Variants in ADAMTS17 observed in about 807,000 individuals in gnomAD.
ADAMTS17 encodes A disintegrin and metalloproteinase with thrombospondin motifs 17.
Under a neutral mutation model 141.5 loss-of-function variants are expected in ADAMTS17, and 113 were observed. The observed-to-expected ratio is 0.80, with a 90% confidence interval of 0.69 to 0.93. The LOEUF (loss-of-function observed/expected upper bound fraction) is 0.93, where lower values mean the gene tolerates loss of function less well. Ranked by LOEUF, ADAMTS17 falls within the 40% of genes least tolerant of loss-of-function variation. The pLI, the probability that ADAMTS17 is intolerant of heterozygous loss-of-function variation, is 0.00. For synonymous variants in ADAMTS17, 768 were observed against 630.6 expected, an observed-to-expected ratio of 1.22 and a Z score of -3.27; for missense variants, 1,659 against 1,517.9, an observed-to-expected ratio of 1.09 and a Z score of -1.54.
rs560298567 is a variant in ADAMTS17 at position 100,093,245 on chromosome 15, G to A, written c.2137+3111C>T. On this transcript the variant is annotated intron_variant, in intron 15 of 21. Coordinates refer to ENST00000268070, the MANE Select transcript of ADAMTS17 (RefSeq NM_139057.4). ...TTGGCTCTGCTGGGCTGGACACTTC[G>A]CCACGTGTGGGTCTGCCCTGGATTC... Among the ~76,000 whole-genome samples, 364 of 152,172 alleles carry A rather than the reference G, an allele frequency of 2.4e-3. 2 individuals are homozygous for A. Among genetic ancestry groups the A allele is most frequent in the Non-Finnish European group, 4.2e-3 (286 of 67,996 alleles).
At chr15:100,044,067 C>T (rs552431770) in intron 18 of ADAMTS17, among the ~76,000 whole-genome samples, 4 of 152,298 alleles carry the variant, frequency 2.6e-5, no homozygotes, top group East Asian at 3.9e-4. Context: ...TTAGAAGATA[C>T]ATGGGAGGCA....
chr15:100,160,591 C>T lies in ADAMTS17; in HGVS notation c.1182-5271G>A, dbSNP rs111232949. Among the ~76,000 whole-genome samples, 899 of 152,306 alleles carry T rather than the reference C, an allele frequency of 5.9e-3. 12 individuals carry two copies. The highest frequency in any genetic ancestry group is 0.02 in the African/African-American group (846 of 41,550). Reference sequence around the variant, plus strand: ...GAGACACACAGGATGGTTACAAAAGCGCTTGGAAAAGATGGCTGTGCTGTT... The same window carrying T: ...GAGACACACAGGATGGTTACAAAAGTGCTTGGAAAAGATGGCTGTGCTGTT... On this transcript the variant is annotated intron_variant, in intron 8 of 21. Transcript: ENST00000268070.
chr15:100,327,560 G>A (rs953395753), intron 3 of ADAMTS17, among the ~76,000 whole-genome samples: 3 of 152,172 alleles, frequency 2.0e-5, no homozygotes, highest in Non-Finnish European at 4.4e-5. Context: ...GGGAGGAGAG[G>A]AAGATTCATA....
intron 20 of ADAMTS17, among the ~76,000 whole-genome samples, chr15:99,990,545 G>T (rs11629894): frequency 2.0e-5 from 3 of 152,002 alleles, no homozygotes; most frequent in Non-Finnish European, 2.9e-5. Flanking sequence ...AGGTGTTTTA[G>T]GTCCTTCTCA....
chr15:100,061,693 G>A (rs973062373), intron 15 of ADAMTS17, among the ~76,000 whole-genome samples: 7 of 152,236 alleles, frequency 4.6e-5, no homozygotes, highest in Non-Finnish European at 8.8e-5. Context: ...TGAGCCAGGC[G>A]GAGCAGCCAT....
chr15:100,242,537 G>GC (rs2042858753), intron 7 of ADAMTS17, among the ~76,000 whole-genome samples: 1 of 151,992 alleles, frequency 6.6e-6, no homozygotes, highest in Non-Finnish European at 1.5e-5. Context: ...TTCTTAACAT[G>GC]CCCCCTCCTC....
intron 10 of ADAMTS17, among the ~76,000 whole-genome samples, chr15:100,146,666 G>A (rs999692298): frequency 7.6e-4 from 46 of 60,250 alleles, no homozygotes; most frequent in African/African-American, 1.6e-3. Flanking sequence ...TGAGCCAGGC[G>A]GAACAGAGCC....
intron 8 of ADAMTS17, among the ~76,000 whole-genome samples, chr15:100,160,243 C>T (rs2039629230): frequency 1.3e-5 from 2 of 152,210 alleles, no homozygotes. Context: ...TCTCCCACCT[C>T]AGGTAATGAG....
intron 3 of ADAMTS17, among the ~76,000 whole-genome samples, chr15:100,294,145 T>C (rs1305246565): frequency 2.0e-5 from 3 of 152,198 alleles, no homozygotes; most frequent in Admixed American, 1.3e-4. Context: ...AACCAAATCA[T>C]GCCACTCGTC....
At chr15:100,064,272 C>T (rs1360907286) in intron 15 of ADAMTS17, among the ~76,000 whole-genome samples, 1 of 152,174 alleles carries the variant, frequency 6.6e-6, no homozygotes, top group African/African-American at 2.4e-5. Flanking sequence ...AACAGATCCT[C>T]CCTCGTGACC....
At chr15:100,212,213 A>T (rs2041831327) in intron 7 of ADAMTS17, among the ~76,000 whole-genome samples, 1 of 152,204 alleles carries the variant, frequency 6.6e-6, no homozygotes, top group Admixed American at 6.5e-5. Flanking sequence ...GCAACCAAGT[A>T]GGAGAATTCA....
chr15:100,238,911 T>A (rs560020656), intron 7 of ADAMTS17, among the ~76,000 whole-genome samples: 15 of 152,232 alleles, frequency 9.9e-5, no homozygotes, highest in East Asian at 7.7e-4. Context: ...CTGAAACAGG[T>A]GAAACCCTGT....
chr15:100,209,906 T>C (rs1279916623), intron 7 of ADAMTS17, among the ~76,000 whole-genome samples: 1 of 152,234 alleles, frequency 6.6e-6, no homozygotes, highest in East Asian at 1.9e-4. Context: ...TGTCAATGTC[T>C]GTCTTTAAAA....
Position 99,997,338 on chromosome 15 carries a change from G to A in ADAMTS17, c.2796+47C>T, listed in dbSNP as rs770811586. The stretch of plus-strand genomic sequence containing the variant: ...AATGTCACCAATACCATGGCACCGT[G>A]TTGGAGTCCCTGTGGCTGAGTCCTG... On this transcript the variant is annotated intron_variant, in intron 19 of 21. Coordinates refer to ENST00000268070, the MANE Select transcript of ADAMTS17 (RefSeq NM_139057.4). The surrounding 1 kb of genome is among the most constrained non-coding windows in gnomAD (Gnocchi z 4.7). The A allele has an allele frequency of 6.2e-7, 1 of 1,604,074 alleles. No homozygotes were observed. Among genetic ancestry groups the A allele is most frequent in the Non-Finnish European group, 8.5e-7 (1 of 1,172,064 alleles).
intron 4 of ADAMTS17, among the ~76,000 whole-genome samples, chr15:100,278,492 G>C (rs1035084410): frequency 6.6e-6 from 1 of 152,124 alleles, no homozygotes; most frequent in Non-Finnish European, 1.5e-5. Context: ...CAGGTCCCAG[G>C]GGCCTCCTTG....
At chr15:100,109,550 T>A (rs997625115) in intron 13 of ADAMTS17, among the ~76,000 whole-genome samples, 3 of 152,124 alleles carry the variant, frequency 2.0e-5, no homozygotes, top group African/African-American at 7.2e-5. Flanking sequence ...AGGGTCACCA[T>A]GACAGTAGCT....
intron 3 of ADAMTS17, among the ~76,000 whole-genome samples, chr15:100,311,560 G>T (rs1418260361): frequency 2.0e-5 from 3 of 152,178 alleles, no homozygotes; most frequent in Non-Finnish European, 4.4e-5. Flanking sequence ...TGGGGCGGGC[G>T]TGTGTTGCAT....
chr15:100,300,529 C>T (rs796224746), intron 3 of ADAMTS17, among the ~76,000 whole-genome samples: 5 of 152,354 alleles, frequency 3.3e-5, no homozygotes, highest in African/African-American at 1.2e-4. Context: ...GCTTCCTTGA[C>T]AGCCAGGTCA....
intron 15 of ADAMTS17, among the ~76,000 whole-genome samples, chr15:100,088,508 C>CA (rs1225441078): frequency 6.6e-6 from 1 of 151,940 alleles, no homozygotes; most frequent in East Asian, 1.9e-4. Flanking sequence ...CATATGGAAC[C>CA]AAAAAAATAG....
Sources: allele counts gnomAD v4.1 joint callset (sites outside exome capture counted in the v4.1 genomes callset), GRCh38; gene constraint gnomAD v4.1.1; non-coding constraint Gnocchi (gnomAD v3.1); transcripts MANE v1.5; gene names NCBI Gene and HGNC (gene_info 2026-07-23, HGNC 2026-07-21).